KCNQ1OT1: variants seen among roughly 807,000 people sequenced by gnomAD.
KCNQ1OT1 encodes the protein KCNQ1 opposite strand/antisense transcript 1, also known as KCNQ1 antisense RNA 2 (non-protein coding).
In KCNQ1OT1 at chr11:2,623,794, G is replaced by A. The variant is rs1373779451; in HGVS notation, n.76201C>T. ...TCCTTTGAGTAAATACCAAGGATGT[G>A]ATTGCTGAACTGCATGGTAAGAATA... On this transcript the variant is annotated non_coding_transcript_exon_variant, in exon 1 of 1. Transcript: ENST00000597346. This position sits in a 1 kb window ranked among gnomAD's most constrained non-coding sequence, Gnocchi z 5.2. 1.3e-5 allele frequency: 5 copies of A among 398,412 alleles called. No individual in the cohort carries two copies. The highest frequency in any genetic ancestry group is 6.2e-4 in the Middle Eastern group (1 of 1,610). 24.7% of individuals were successfully genotyped at this position (398,412 alleles called of 1,614,324 possible).
At chr11:2,662,341 A>C in exon 1 of KCNQ1OT1, 1 of 568,232 alleles carries the variant, frequency 1.8e-6, no homozygotes, top group Non-Finnish European at 3.1e-6. Context: ...ACTTGTTTTC[A>C]TGCTTTGAGA....
rs1850124613 is a variant in KCNQ1OT1, at chr11:2,668,562, T to C, written n.31433A>G. ...GTTGACTAATGAAGTTGAGTCCCTT[T>C]CCATGTTATCATTTAGTCAGATACA... On this transcript the variant is annotated non_coding_transcript_exon_variant, in exon 1 of 1. Transcript: ENST00000597346. This position sits in a 1 kb window ranked among gnomAD's most constrained non-coding sequence, Gnocchi z 4.3. 1 of 398,546 alleles carries C rather than the reference T, an allele frequency of 2.5e-6. No individual in the cohort carries two copies. The highest frequency in any genetic ancestry group is 4.4e-6 in the Non-Finnish European group (1 of 226,072). The allele number at this position is 398,546 out of a possible 1,614,324, so 24.7% of individuals were successfully genotyped here.
At chr11:2,636,675 G>A (rs1429035087) in exon 1 of KCNQ1OT1, 1 of 152,036 alleles carries the variant, frequency 6.6e-6, no homozygotes, top group East Asian at 1.9e-4. Flanking sequence ...GCCAGGCTTT[G>A]GTATCAGGAT....
In KCNQ1OT1 at chr11:2,682,488, G is replaced by A. The variant is rs1359294487; in HGVS notation, n.17507C>T. 7.5e-6 allele frequency: 3 copies of A among 398,026 alleles called. No homozygotes were observed. Among genetic ancestry groups the A allele is most frequent in the Non-Finnish European group, 1.3e-5 (3 of 226,014 alleles). 24.7% of individuals were successfully genotyped at this position (398,026 alleles called of 1,614,324 possible). On this transcript the variant is annotated non_coding_transcript_exon_variant, in exon 1 of 1. Transcript: ENST00000597346. The surrounding 1 kb of genome is among the most constrained non-coding windows in gnomAD (Gnocchi z 5.8). ...GTGAATGTTTGACGAGTGAGTGAGT[G>A]AGTGAGTGAGTGAGTGAGTACTTGT...
At position 2,662,036 on chromosome 11, in the gene KCNQ1OT1, A is replaced by G. The variant is rs1849967564; in HGVS notation, n.37959T>C. 1.2e-6 allele frequency: 2 copies of G among 1,614,188 alleles called. No homozygotes were observed. Among genetic ancestry groups the G allele is most frequent in the Middle Eastern group, 1.6e-4 (1 of 6,062 alleles). On this transcript the variant is annotated non_coding_transcript_exon_variant, in exon 1 of 1. Transcript: ENST00000597346. ...ACCAACAGCTTCGCCGAGGACCTGG[A>G]CCTGGAAGGGGAGACTCTGCTGACA...
At position 2,608,336 on chromosome 11, in the gene KCNQ1OT1, T is replaced by A. The variant is rs73415330; in HGVS notation, n.91659A>T. 0.038 allele frequency: 14,968 copies of A among 398,460 alleles called. 907 individuals carry two copies. The highest frequency in any genetic ancestry group is 0.16 in the African/African-American group (7,727 of 48,684). The allele number at this position is 398,460 out of a possible 1,614,324, so 24.7% of individuals were successfully genotyped here. A position where few individuals can be genotyped will look rare whatever the true frequency, so the allele number is the denominator to read the frequency against. On this transcript the variant is annotated non_coding_transcript_exon_variant, in exon 1 of 1. Transcript: ENST00000597346. The surrounding 1 kb of genome is among the most constrained non-coding windows in gnomAD (Gnocchi z 4.6). ...ATTTTCTACTTATTTCTTAGTCAGT[T>A]TTCATAGTTTTCATCTTTCTAGGAA...
In KCNQ1OT1 at chr11:2,658,099, C is replaced by T; in HGVS notation, n.41896G>A. 1 of 398,534 alleles carries T rather than the reference C, an allele frequency of 2.5e-6. No homozygotes were observed. Among genetic ancestry groups the T allele is most frequent in the Non-Finnish European group, 4.4e-6 (1 of 226,038 alleles). The allele number at this position is 398,534 out of a possible 1,614,324, so 24.7% of individuals were successfully genotyped here. On this transcript the variant is annotated non_coding_transcript_exon_variant, in exon 1 of 1. Transcript: ENST00000597346. The surrounding 1 kb of genome is among the most constrained non-coding windows in gnomAD (Gnocchi z 4.9). Reference sequence around the variant, plus strand: ...GGGAGGGGTTCAACTCTACCTCCTGCAGGAGAGTATCAAAAAAAATCTGCA... The same window carrying T: ...GGGAGGGGTTCAACTCTACCTCCTGTAGGAGAGTATCAAAAAAAATCTGCA...
chr11:2,615,143 T>G (rs1849040586), exon 1 of KCNQ1OT1: 2 of 398,198 alleles, frequency 5.0e-6, no homozygotes, highest in Non-Finnish European at 8.9e-6. Context: ...GCTATTTTAC[T>G]CTTTTTGATG....
In KCNQ1OT1 at chr11:2,653,315, T is replaced by C; in HGVS notation, n.46680A>G. The C allele has an allele frequency of 2.5e-6, 1 of 398,716 alleles. No homozygotes were observed. Among genetic ancestry groups the C allele is most frequent in the Non-Finnish European group, 4.4e-6 (1 of 226,102 alleles). 24.7% of individuals were successfully genotyped at this position (398,716 alleles called of 1,614,324 possible). On this transcript the variant is annotated non_coding_transcript_exon_variant, in exon 1 of 1. Transcript: ENST00000597346. The surrounding 1 kb of genome is among the most constrained non-coding windows in gnomAD (Gnocchi z 5.3). ...AGACCAGTTTAGCTATTTTGTAACC[T>C]TGACTGCCCCCAGGCCCATGTCCGT...
rs1238276505 is a variant in KCNQ1OT1 at position 2,676,648 on chromosome 11, G to C, written n.23347C>G. On this transcript the variant is annotated non_coding_transcript_exon_variant, in exon 1 of 1. Transcript: ENST00000597346. This position sits in a 1 kb window ranked among gnomAD's most constrained non-coding sequence, Gnocchi z 4.2. ...AGCTTCACAGATTCACAGATAGATA[G>C]TTCATTAAGGTCTTGAGTATTTCCA... 4.0e-5 allele frequency: 16 copies of C among 398,552 alleles called. No homozygotes were observed. The East Asian group carries it at 5.7e-4, about 14-fold the overall frequency. 24.7% of individuals were successfully genotyped at this position (398,552 alleles called of 1,614,324 possible).
chr11:2,619,078 G>C (rs1000121400), exon 1 of KCNQ1OT1: 9 of 398,452 alleles, frequency 2.3e-5, no homozygotes, highest in Non-Finnish European at 4.0e-5. Context: ...TGCTTTGTCA[G>C]AGTCTTCGGG....
At chr11:2,649,837 C>T in exon 1 of KCNQ1OT1, 1 of 398,492 alleles carries the variant, frequency 2.5e-6, no homozygotes, top group East Asian at 3.6e-5. Context: ...GTCTCTTTCT[C>T]TCCCAAACTT....
At chr11:2,622,261 C>G (rs1272275459) in exon 1 of KCNQ1OT1, 3 of 398,160 alleles carry the variant, frequency 7.5e-6, no homozygotes, top group African/African-American at 4.1e-5. Context: ...TTTCCAATTG[C>G]GAAGTCTTGA....
exon 1 of KCNQ1OT1, chr11:2,622,955 T>A (rs986826309): frequency 7.5e-6 from 3 of 398,524 alleles, no homozygotes; most frequent in Non-Finnish European, 1.3e-5. Flanking sequence ...TACAAATGTG[T>A]AACATGTTGA....
At chr11:2,615,033 G>T in exon 1 of KCNQ1OT1, 1 of 398,358 alleles carries the variant, frequency 2.5e-6, no homozygotes, top group Non-Finnish European at 4.4e-6. Flanking sequence ...AACACAGGAT[G>T]TATAGTTCTA....
rs2133807586 is a variant in KCNQ1OT1 at position 2,623,953 on chromosome 11, C to T, written n.76042G>A. 2.5e-6 allele frequency: 1 copy of T among 398,618 alleles called. No individual in the cohort carries two copies. 24.7% of individuals were successfully genotyped at this position (398,618 alleles called of 1,614,324 possible). A position where few individuals can be genotyped will look rare whatever the true frequency, so the allele number is the denominator to read the frequency against. On this transcript the variant is annotated non_coding_transcript_exon_variant, in exon 1 of 1. Coordinates refer to ENST00000597346, the Ensembl canonical transcript of KCNQ1OT1. The surrounding 1 kb of genome is among the most constrained non-coding windows in gnomAD (Gnocchi z 5.2). ...TAATTCTTTGAAGAACCACCAAACT[C>T]TTCTCCACCAGGGCTGCACCACTTT...
exon 1 of KCNQ1OT1, chr11:2,633,984 G>A (rs907851042): frequency 1.5e-5 from 6 of 398,394 alleles, no homozygotes; most frequent in African/African-American, 6.2e-5. Context: ...CTATGTTGTT[G>A]AAGAGTCGAC....
chr11:2,695,460 G>A lies in KCNQ1OT1; in HGVS notation n.4535C>T, dbSNP rs1850657927. The A allele has an allele frequency of 2.5e-6, 1 of 398,480 alleles. No individual in the cohort carries two copies. The highest frequency in any genetic ancestry group is 2.1e-5 in the African/African-American group (1 of 48,592). The allele number at this position is 398,480 out of a possible 1,614,324, so 24.7% of individuals were successfully genotyped here. A position where few individuals can be genotyped will look rare whatever the true frequency, so the allele number is the denominator to read the frequency against. ...TGGCATTTGTGTCACTCAGCACTGT[G>A]TTTCCACGCGTCTCTATCTTGTGAA... is the stretch of plus-strand genomic sequence containing the variant. On this transcript the variant is annotated non_coding_transcript_exon_variant, in exon 1 of 1. Transcript: ENST00000597346. The surrounding 1 kb of genome is among the most constrained non-coding windows in gnomAD (Gnocchi z 5.2).
Position 2,673,024 on chromosome 11 carries a change from A to G in KCNQ1OT1, n.26971T>C, listed in dbSNP as rs1850214790. On this transcript the variant is annotated non_coding_transcript_exon_variant, in exon 1 of 1. Coordinates refer to ENST00000597346, the Ensembl canonical transcript of KCNQ1OT1. The surrounding 1 kb of genome is among the most constrained non-coding windows in gnomAD (Gnocchi z 4.5). ...AGTGAATCAATGTGTTACTTGAACA[A>G]ATATAGGGTCTAGGGCTGGCCAAAA... 11 of 398,676 alleles carry G rather than the reference A, an allele frequency of 2.8e-5. No individual in the cohort carries two copies. In the East Asian group the frequency reaches 3.9e-4, roughly 14 times the overall value. The allele number at this position is 398,676 out of a possible 1,614,324, so 24.7% of individuals were successfully genotyped here.
Sources: allele counts gnomAD v4.1 joint callset, GRCh38; gene constraint gnomAD v4.1.1; non-coding constraint Gnocchi (gnomAD v3.1); transcripts MANE v1.5; gene names NCBI Gene and HGNC (gene_info 2026-07-23, HGNC 2026-07-21).